Variants in MLLT10 observed in about 807,000 individuals in gnomAD.
MLLT10 encodes protein AF-10.
A neutral mutation model predicts 129.1 loss-of-function variants in MLLT10; 30 were observed. The observed-to-expected ratio is 0.23, with a 90% CI of 0.17 to 0.32. The LOEUF (loss-of-function observed/expected upper bound fraction) is 0.32, where lower values mean the gene tolerates loss of function less well. Ranked by LOEUF, MLLT10 falls within the 10% of genes least tolerant of loss-of-function variation. The pLI is 1.00. For synonymous variants in MLLT10, 490 were observed against 446.4 expected (o/e 1.10, Z -1.23); for missense variants, 1,119 against 1,268.3 (o/e 0.88, Z 1.79).
chr10:21,737,307 T>C (rs2058453950), intron 21 of MLLT10, among the ~76,000 whole-genome samples: 1 of 152,020 alleles, frequency 6.6e-6, no homozygotes, highest in African/African-American at 2.4e-5. Context: ...AAAGATAGCA[T>C]ATGGGCACCT....
chr10:21,735,990 T>C (rs1027039313), intron 21 of MLLT10, among the ~76,000 whole-genome samples: 7 of 152,234 alleles, frequency 4.6e-5, no homozygotes, highest in African/African-American at 1.7e-4. Flanking sequence ...TGAAGACCTA[T>C]GTACGCCTCA....
At chr10:21,634,832 G>A (rs759388884) in intron 8 of MLLT10, among the ~76,000 whole-genome samples, 8 of 152,154 alleles carry the variant, frequency 5.3e-5, no homozygotes, top group Non-Finnish European at 8.8e-5. Context: ...TGCTCAGATT[G>A]TCCCACATTT....
At chr10:21,671,176 G>T (rs577794929) in intron 10 of MLLT10, among the ~76,000 whole-genome samples, 21 of 152,184 alleles carry the variant, frequency 1.4e-4, no homozygotes, top group Admixed American at 1.2e-3. Flanking sequence ...ATGCCACCAT[G>T]CCTGGCCAGT....
intron 21 of MLLT10, chr10:21,738,653 AGTG>A: frequency 1.3e-6 from 1 of 786,474 alleles, no homozygotes; most frequent in Non-Finnish European, 1.5e-6. Flanking sequence ...TGCTAAATCC[AGTG>A]GTCCCTTCTC....
At chr10:21,590,686 G>A (rs1274277970) in intron 4 of MLLT10, among the ~76,000 whole-genome samples, 7 of 152,124 alleles carry the variant, frequency 4.6e-5, no homozygotes, top group African/African-American at 7.2e-5. Flanking sequence ...AGCAATGGTA[G>A]TAATTACCCC....
chr10:21,677,045 A>G (rs1416208320), intron 11 of MLLT10, among the ~76,000 whole-genome samples: 1 of 152,194 alleles, frequency 6.6e-6, no homozygotes, highest in Admixed American at 6.6e-5. Context: ...ATTACTCATT[A>G]TATAGGACAA....
chr10:21,582,971 C>A (rs779155639), intron 3 of MLLT10, among the ~76,000 whole-genome samples: 19 of 152,042 alleles, frequency 1.2e-4, no homozygotes, highest in Non-Finnish European at 2.2e-4. Context: ...GAGTTTGAGA[C>A]CAACCTGGGC....
intron 13 of MLLT10, among the ~76,000 whole-genome samples, chr10:21,706,593 A>G (rs1030016038): frequency 2.0e-5 from 3 of 152,208 alleles, no homozygotes; most frequent in Non-Finnish European, 4.4e-5. Flanking sequence ...ATTTCTGAAG[A>G]CTATTCCATT....
intron 8 of MLLT10, among the ~76,000 whole-genome samples, chr10:21,634,886 A>G (rs1424551018): frequency 6.6e-6 from 1 of 152,118 alleles, no homozygotes; most frequent in Admixed American, 6.5e-5. Flanking sequence ...CCCTTTTGAA[A>G]TTTTTCAACA....
Position 21,740,152 on chromosome 10 carries a change from A to G in MLLT10, c.3078A>G (p.Ala1026=), listed in dbSNP as rs1266123233. The G allele has an allele frequency of 6.2e-7, 1 of 1,614,200 alleles. No individual in the cohort carries two copies. Among genetic ancestry groups the G allele is most frequent in the Admixed American group, 1.7e-5 (1 of 60,024 alleles). The change falls in exon 22 of 23, where the codon GCA becomes GCG. Residue 1026 remains alanine (A), a synonymous_variant. Transcript: ENST00000307729. The part of the protein sequence containing the change: ...PTQIPINNLL[A]GTQAPPLHTA... ...AAATACCCATAAACAACCTTCTTGCAGGTACACAGGCACCCCCACTTCACA... is the reference window on the plus strand; with the variant it reads ...AAATACCCATAAACAACCTTCTTGCGGGTACACAGGCACCCCCACTTCACA...
intron 3 of MLLT10, among the ~76,000 whole-genome samples, chr10:21,550,811 C>T (rs1564390881): frequency 6.6e-6 from 1 of 151,924 alleles, no homozygotes; most frequent in African/African-American, 2.4e-5. Flanking sequence ...GGATTACAGA[C>T]GTGAGCTATG....
At chr10:21,596,121 T>G (rs1227756134) in intron 5 of MLLT10, among the ~76,000 whole-genome samples, 2 of 152,148 alleles carry the variant, frequency 1.3e-5, no homozygotes, top group Non-Finnish European at 2.9e-5. Context: ...CTTTTTATTT[T>G]GTAATTAATA....
intron 9 of MLLT10, among the ~76,000 whole-genome samples, chr10:21,655,791 T>A (rs1157583752): frequency 1.3e-5 from 2 of 152,200 alleles, no homozygotes; most frequent in African/African-American, 4.8e-5. Flanking sequence ...TTGAGATAGC[T>A]ACAGAGTAAA....
chr10:21,739,905 T>A, intron 21 of MLLT10, 125 bp from the exon 22 acceptor site: 1 of 733,756 alleles, frequency 1.4e-6, no homozygotes. Flanking sequence ...TTTTTCTAGA[T>A]GAGATACTTG....
At chr10:21,652,782 G>T (rs2049172391) in intron 9 of MLLT10, among the ~76,000 whole-genome samples, 1 of 152,200 alleles carries the variant, frequency 6.6e-6, no homozygotes, top group African/African-American at 2.4e-5. Flanking sequence ...ACAGGCTGTG[G>T]AAAGTCAGAA....
Position 21,558,252 on chromosome 10 carries a change from T to TA in MLLT10, c.240+19341dup, listed in dbSNP as rs1217115241. Among the ~76,000 whole-genome samples the TA allele has an allele frequency of 8.6e-5, 13 of 151,740 alleles. 1 individual carries two copies. The South Asian group carries it at 1.7e-3, about 19-fold the overall frequency. The stretch of plus-strand genomic sequence containing the variant: ...AGGCGTGAGCCACTGTGCTTGGCCT[T>TA]ATTTTTCTTTTTTTAATTGTTATAA... On this transcript the variant is annotated intron_variant, in intron 3 of 22. Transcript: ENST00000307729.
chr10:21,559,699 T>C (rs1013166744), intron 3 of MLLT10, among the ~76,000 whole-genome samples: 1 of 152,214 alleles, frequency 6.6e-6, no homozygotes, highest in African/African-American at 2.4e-5. Context: ...AAGTGGAATC[T>C]TATATTTGTT....
Position 21,733,986 on chromosome 10 carries a change from C to T in MLLT10, c.2715C>T (p.Asn905=). ...GAATAATTGGAGCTTTGCCAGGTAACCAACTGGCAATTAATGGCATTGTAG... is the reference window on the plus strand; with the variant it reads ...GAATAATTGGAGCTTTGCCAGGTAATCAACTGGCAATTAATGGCATTGTAG... ...VGGIIGALPG[N]QLAINGIVGA... Residue 905 remains asparagine (N), a synonymous_variant, in exon 20 of 23, where the codon AAC becomes AAT. Transcript: ENST00000307729. The T allele has an allele frequency of 9.3e-6, 15 of 1,614,198 alleles. No individual in the cohort carries two copies. Among genetic ancestry groups the T allele is most frequent in the Non-Finnish European group, 1.3e-5 (15 of 1,180,036 alleles).
At chr10:21,703,451 T>A (rs1589724653) in intron 13 of MLLT10, among the ~76,000 whole-genome samples, 1 of 152,186 alleles carries the variant, frequency 6.6e-6, no homozygotes, top group Admixed American at 6.5e-5. Flanking sequence ...TTAGACAACC[T>A]GAGTAAAATG....
Sources: allele counts gnomAD v4.1 joint callset (sites outside exome capture counted in the v4.1 genomes callset), GRCh38; gene constraint gnomAD v4.1.1; transcripts MANE v1.5; gene names NCBI Gene and HGNC (gene_info 2026-07-23, HGNC 2026-07-21).